PM20D2: variants seen among roughly 807,000 people sequenced by gnomAD.
PM20D2 encodes xaa-Arg dipeptidase.
In PM20D2, 33 loss-of-function variants were observed where a neutral mutation model predicts 42.9. That is an observed-to-expected ratio of 0.77 (90% CI 0.58 to 1.03). The LOEUF (loss-of-function observed/expected upper bound fraction) is 1.03. Ranked by LOEUF, PM20D2 falls within the 50% of genes least tolerant of loss-of-function variation. PM20D2 has a pLI of 0.00. For synonymous variants in PM20D2, 250 were observed against 228.2 expected, an observed-to-expected ratio of 1.10 and a Z score of -0.86; for missense variants, 548 against 557.0, an observed-to-expected ratio of 0.98 and a Z score of 0.16.
chr6:89,150,367 C>T (rs909063528), intron 2 of PM20D2, among the ~76,000 whole-genome samples: 36 of 151,956 alleles, frequency 2.4e-4, no homozygotes, highest in African/African-American at 8.2e-4. Context: ...AAATCTCTGC[C>T]CTTGCCTTTG....
the PM20D2 span, among the ~76,000 whole-genome samples, chr6:89,138,738 T>G: frequency 6.6e-6 from 1 of 152,036 alleles, no homozygotes; most frequent in African/African-American, 2.4e-5. Flanking sequence ...AGTGGTGCAC[T>G]CCTGTAGTCC....
At chr6:89,106,204 C>T in the PM20D2 span, among the ~76,000 whole-genome samples, 1 of 152,062 alleles carries the variant, frequency 6.6e-6, no homozygotes. Flanking sequence ...CACTGTAAGC[C>T]CAGGTTCAAG....
rs988058167 is a variant in PM20D2, at chr6:89,162,396, G to A, written c.*133G>A. 15 of 964,536 alleles carry A rather than the reference G, an allele frequency of 1.6e-5. No individual in the cohort carries two copies. Among genetic ancestry groups the A allele is most frequent in the Middle Eastern group, 3.3e-4 (1 of 3,056 alleles). 59.7% of individuals were successfully genotyped at this position (964,536 alleles called of 1,614,324 possible). ...TTTACCTGATAAGTGAGGACAGGGTGTGGAGAAAACATATTAATTACCTCA... is the reference window on the plus strand; with the variant it reads ...TTTACCTGATAAGTGAGGACAGGGTATGGAGAAAACATATTAATTACCTCA... On this transcript the variant is annotated 3_prime_UTR_variant, in exon 7 of 7. Transcript: ENST00000275072.
chr6:89,095,345 C>T, the PM20D2 span, among the ~76,000 whole-genome samples: 1 of 152,160 alleles, frequency 6.6e-6, no homozygotes, highest in Non-Finnish European at 1.5e-5. Context: ...CGCGCCTCAG[C>T]CTCCTGAGTA....
the PM20D2 span, chr6:89,117,740 C>CGCCGGGCCTCG: frequency 7.3e-7 from 1 of 1,363,756 alleles, no homozygotes; most frequent in Non-Finnish European, 9.6e-7. Flanking sequence ...CCCGAGCCTC[C>CGCCGGGCCTCG]GCCGGGCCTC....
upstream of PM20D2, among the ~76,000 whole-genome samples, chr6:89,143,092 CA>C (rs1273540524): frequency 2.0e-5 from 3 of 152,148 alleles, no homozygotes; most frequent in Admixed American, 1.3e-4. Flanking sequence ...TTTCTGTTTT[CA>C]AAAACTTTTT....
chr6:89,134,332 G>T, the PM20D2 span, among the ~76,000 whole-genome samples: 1 of 151,046 alleles, frequency 6.6e-6, no homozygotes, highest in Non-Finnish European at 1.5e-5. Flanking sequence ...AGAGAATTCA[G>T]CTTCCTTCGG....
the PM20D2 span, among the ~76,000 whole-genome samples, chr6:89,107,518 C>T: frequency 5.9e-4 from 89 of 152,084 alleles, no homozygotes; most frequent in African/African-American, 2.1e-3. Flanking sequence ...TCACTTGAAC[C>T]CAGGAGTTCA....
At chr6:89,154,522 A>T (rs181046266) in intron 3 of PM20D2, among the ~76,000 whole-genome samples, 1 of 152,320 alleles carries the variant, frequency 6.6e-6, no homozygotes, top group East Asian at 1.9e-4. Flanking sequence ...TTCTGAATGA[A>T]GTGCATATGG....
upstream of PM20D2, among the ~76,000 whole-genome samples, chr6:89,143,446 C>T (rs1214431593): frequency 6.6e-6 from 1 of 152,066 alleles, no homozygotes; most frequent in African/African-American, 2.4e-5. Flanking sequence ...ATATTTTTTC[C>T]CCTTTTTTCT....
chr6:89,143,620 G>A (rs1256913893), upstream of PM20D2, among the ~76,000 whole-genome samples: 1 of 152,148 alleles, frequency 6.6e-6, no homozygotes, highest in Non-Finnish European at 1.5e-5. Flanking sequence ...AAGGGAGCTT[G>A]TATACATTTT....
chr6:89,150,531 C>CTTTTTTTTT (rs753768538), intron 2 of PM20D2, among the ~76,000 whole-genome samples: 1 of 59,424 alleles, frequency 1.7e-5, no homozygotes, highest in Non-Finnish European at 3.1e-5. Context: ...CTGATCATCT[C>CTTTTTTTTT]TTTTTTTTTT....
chr6:89,108,310 T>A, the PM20D2 span, among the ~76,000 whole-genome samples: 1 of 152,250 alleles, frequency 6.6e-6, no homozygotes, highest in African/African-American at 2.4e-5. Context: ...AACCACTTAA[T>A]TCTTACAATT....
chr6:89,128,032 A>G, the PM20D2 span, among the ~76,000 whole-genome samples: 13 of 152,344 alleles, frequency 8.5e-5, no homozygotes, highest in East Asian at 2.5e-3. Context: ...TTTGAACAAT[A>G]TGAAATCAGT....
At chr6:89,111,368 AT>A in the PM20D2 span, among the ~76,000 whole-genome samples, 1 of 152,174 alleles carries the variant, frequency 6.6e-6, no homozygotes, top group Admixed American at 6.5e-5. Flanking sequence ...GGTTCTGCAC[AT>A]TTTTTGTTAA....
chr6:89,108,750 A>G, the PM20D2 span, among the ~76,000 whole-genome samples: 2 of 152,234 alleles, frequency 1.3e-5, no homozygotes, highest in Non-Finnish European at 2.9e-5. Flanking sequence ...TAGAACACTG[A>G]TAAGAGTTCT....
the PM20D2 span, chr6:89,117,908 C>T: frequency 6.4e-7 from 1 of 1,554,762 alleles, no homozygotes; most frequent in Non-Finnish European, 8.7e-7. Context: ...TCCGTTCCCT[C>T]CGGGTCTGCC....
At chr6:89,115,671 C>T in the PM20D2 span, among the ~76,000 whole-genome samples, 1 of 140,984 alleles carries the variant, frequency 7.1e-6, no homozygotes. Flanking sequence ...AGTCCTCGCT[C>T]TGTCTCCCAG....
chr6:89,104,514 G>A, the PM20D2 span, among the ~76,000 whole-genome samples: 21 of 152,014 alleles, frequency 1.4e-4, no homozygotes, highest in Non-Finnish European at 2.4e-4. Flanking sequence ...GGGATCATAA[G>A]TGTGAGCCAC....
Sources: gnomAD v4.1 joint callset for allele counts (sites outside exome capture counted in the v4.1 genomes callset) on GRCh38, gnomAD v4.1.1 for gene constraint, MANE v1.5 for transcripts, NCBI Gene and HGNC (gene_info 2026-07-23, HGNC 2026-07-21) for gene names.